The following PAK1IP1 variants were observed in gnomAD, a reference collection of about 807,000 sequenced individuals.
PAK1IP1 encodes the protein PAK1 interacting protein 1.
A neutral mutation model predicts 42.0 loss-of-function variants in PAK1IP1; 24 were observed. The observed-to-expected ratio is 0.57, with a 90% CI of 0.41 to 0.80. The LOEUF is 0.80. Ranked by LOEUF, PAK1IP1 falls within the 30% of genes least tolerant of loss-of-function variation. The pLI is 0.00. For synonymous variants in PAK1IP1, 154 were observed against 156.7 expected (o/e 0.98, Z 0.13); for missense variants, 411 against 467.9 (o/e 0.88, Z 1.12).
chr6:10,702,523 T>C (rs756445367), intron 3 of PAK1IP1, 34 bp downstream of exon 3: 1 of 1,614,198 alleles, frequency 6.2e-7, no homozygotes, highest in Non-Finnish European at 8.5e-7. Flanking sequence ...GCATTCTCGA[T>C]GTGCCAGTCA....
upstream of PAK1IP1, chr6:10,694,618 GC>G (rs1389232609): frequency 1.1e-5 from 2 of 190,054 alleles, no homozygotes; most frequent in African/African-American, 4.7e-5. Context: ...CCGGAAGTCG[GC>G]CCCACCTCCT....
In PAK1IP1 at chr6:10,709,216, A is replaced by AGC. The variant is rs1051295703; in HGVS notation, c.965-21_965-20dup. 6 of 1,578,522 alleles carry AGC rather than the reference A, an allele frequency of 3.8e-6. No homozygotes were observed. In the African/African-American group the frequency reaches 6.9e-5, roughly 18 times the overall value. ...AAGGGGAAAACAGTCTTTTTTTAAA[A>AGC]GCACTCTCTTTTGTGTTTTAGTAAG... is the stretch of plus-strand genomic sequence containing the variant. On this transcript the variant is annotated intron_variant, in intron 9 of 9. Coordinates refer to ENST00000379568, the MANE Select transcript of PAK1IP1 (RefSeq NM_017906.3).
chr6:10,699,546 G>A (rs1345985631), intron 2 of PAK1IP1, among the ~76,000 whole-genome samples: 2 of 152,198 alleles, frequency 1.3e-5, no homozygotes, highest in Non-Finnish European at 1.5e-5. Flanking sequence ...AGAATCAAGG[G>A]AGAGAAAGAC....
upstream of PAK1IP1, among the ~76,000 whole-genome samples, chr6:10,691,450 AC>A (rs1169771630): frequency 2.0e-5 from 3 of 152,154 alleles, no homozygotes; most frequent in Non-Finnish European, 4.4e-5. Context: ...ACGGAACAGA[AC>A]AGGACAGGGA....
At chr6:10,708,551 TTAAG>T (rs1770273406) in intron 8 of PAK1IP1, among the ~76,000 whole-genome samples, 1 of 152,144 alleles carries the variant, frequency 6.6e-6, no homozygotes, top group African/African-American at 2.4e-5. Flanking sequence ...TTTTTATACT[TTAAG>T]TTTTAGGGTG....
chr6:10,701,107 T>G (rs1770013896), intron 2 of PAK1IP1, among the ~76,000 whole-genome samples: 1 of 152,196 alleles, frequency 6.6e-6, no homozygotes, highest in Non-Finnish European at 1.5e-5. Flanking sequence ...AGATGCAGTC[T>G]TTCTCTGTCA....
At chr6:10,701,706 G>A (rs1770032416) in intron 2 of PAK1IP1, among the ~76,000 whole-genome samples, 1 of 152,188 alleles carries the variant, frequency 6.6e-6, no homozygotes, top group African/African-American at 2.4e-5. Context: ...AAGTCATGTG[G>A]CAGTACACCT....
chr6:10,696,506 C>G (rs1007389084), intron 1 of PAK1IP1, among the ~76,000 whole-genome samples: 2 of 152,114 alleles, frequency 1.3e-5, no homozygotes, highest in African/African-American at 4.8e-5. Context: ...TGCTGTCATG[C>G]TTCGCACTCA....
chr6:10,698,557 A>G (rs1475513304), intron 2 of PAK1IP1, among the ~76,000 whole-genome samples: 3 of 148,266 alleles, frequency 2.0e-5, no homozygotes, highest in Non-Finnish European at 4.5e-5. Flanking sequence ...AGATGGGACC[A>G]GATCCTGGAG....
intron 1 of PAK1IP1, among the ~76,000 whole-genome samples, chr6:10,697,086 C>T (rs1769882759): frequency 6.6e-6 from 1 of 152,176 alleles, no homozygotes; most frequent in Non-Finnish European, 1.5e-5. Flanking sequence ...CTGCCCACCT[C>T]CTTGCTTTAC....
upstream of PAK1IP1, among the ~76,000 whole-genome samples, chr6:10,692,221 A>G (rs2127473979): frequency 6.6e-6 from 1 of 152,286 alleles, no homozygotes; most frequent in East Asian, 1.9e-4. Context: ...TATGTTGTGG[A>G]GTAAAATGCA....
rs1479490155 is a variant in PAK1IP1, at chr6:10,704,814, G to A, written c.710G>A (p.Cys237Tyr). Residue 237 changes from cysteine (C) to tyrosine (Y), a missense_variant, in exon 7 of 10, where the codon TGC becomes TAC. Cys to Tyr is a radical substitution (Grantham distance 194, BLOSUM62 -2). Transcript: ENST00000379568. Reference sequence around the variant, plus strand: ...TTTTTTGACTGTGATTCACTAGTGTGCCTCTGCGAATTTAAAGCTCATGAA... The same window carrying A: ...TTTTTTGACTGTGATTCACTAGTGTACCTCTGCGAATTTAAAGCTCATGAA... ...IRFFDCDSLVCLCEFKAHENR... is the reference protein window; with the variant it reads ...IRFFDCDSLVYLCEFKAHENR... The A allele has an allele frequency of 1.2e-6, 2 of 1,612,852 alleles. No homozygotes were observed. Among genetic ancestry groups the A allele is most frequent in the Non-Finnish European group, 1.7e-6 (2 of 1,178,838 alleles).
chr6:10,701,288 G>A (rs1405415107), intron 2 of PAK1IP1, among the ~76,000 whole-genome samples: 1 of 152,124 alleles, frequency 6.6e-6, no homozygotes, highest in Non-Finnish European at 1.5e-5. Context: ...TGTTGGCCAG[G>A]CTGGTATTGA....
chr6:10,709,297 G>C lies in PAK1IP1; in HGVS notation c.1024G>C (p.Glu342Gln), dbSNP rs149331925. 3.7e-6 allele frequency: 6 copies of C among 1,613,824 alleles called. No individual in the cohort carries two copies. Among genetic ancestry groups the C allele is most frequent in the Non-Finnish European group, 5.1e-6 (6 of 1,179,954 alleles). ...GCCTGGTGACACAGTGCACAAAGAAGAAAAGCGGTCAAAACCTAACACAAA... is the reference window on the plus strand; with the variant it reads ...GCCTGGTGACACAGTGCACAAAGAACAAAAGCGGTCAAAACCTAACACAAA... ...KEPGDTVHKE[E>Q]KRSKPNTKKR... The change falls in exon 10 of 10, where the codon GAA becomes CAA. Residue 342 changes from glutamate (E) to glutamine (Q), a missense_variant. Physicochemically the swap from Glu to Gln is conservative, Grantham distance 29. Transcript: ENST00000379568.
chr6:10,706,876 A>G (rs982215011), intron 7 of PAK1IP1, among the ~76,000 whole-genome samples: 21 of 151,542 alleles, frequency 1.4e-4, no homozygotes, highest in Non-Finnish European at 2.8e-4. Context: ...TGGGCGATAG[A>G]GCAAGGCTCC....
At chr6:10,702,021 G>T (rs1015811245) in intron 2 of PAK1IP1, among the ~76,000 whole-genome samples, 2 of 152,062 alleles carry the variant, frequency 1.3e-5, no homozygotes, top group African/African-American at 4.8e-5. Context: ...GATCACTTGG[G>T]CCCAGGAGTT....
chr6:10,703,593 C>G, intron 5 of PAK1IP1, 136 bp downstream of exon 5: 1 of 591,464 alleles, frequency 1.7e-6, no homozygotes, highest in South Asian at 2.2e-5. Context: ...TGATGGGTCA[C>G]AGTCAGAACC....
upstream of PAK1IP1, among the ~76,000 whole-genome samples, chr6:10,692,101 C>G (rs1310390470): frequency 2.0e-5 from 3 of 152,320 alleles, no homozygotes; most frequent in Non-Finnish European, 1.5e-5. Context: ...GGAGACAGGG[C>G]ACCAGGGACA....
chr6:10,694,623 ACC>A, upstream of PAK1IP1: 2 of 189,602 alleles, frequency 1.1e-5, no homozygotes, highest in Non-Finnish European at 2.2e-5. Context: ...AGTCGGCCCC[ACC>A]TCCTCCTGAT....
Sources: allele counts gnomAD v4.1 joint callset (sites outside exome capture counted in the v4.1 genomes callset), GRCh38; gene constraint gnomAD v4.1.1; transcripts MANE v1.5; gene names NCBI Gene and HGNC (gene_info 2026-07-23, HGNC 2026-07-21).